Variants in HIVEP1 observed in about 807,000 individuals in gnomAD.
HIVEP1 encodes the protein HIVEP zinc finger 1.
Under a neutral mutation model 180.0 loss-of-function variants are expected in HIVEP1, and 36 were observed. The ratio of observed to expected loss-of-function variants is 0.20; its 90% CI spans 0.15 to 0.26. HIVEP1 has a LOEUF of 0.26. HIVEP1 is among the 10% of genes least tolerant of loss of function. The pLI, the probability that HIVEP1 is intolerant of heterozygous loss-of-function variation, is 1.00. For missense variants in HIVEP1, 3,143 were observed against 3,268.7 expected (o/e 0.96, Z 0.94); for synonymous variants, 1,239 against 1,239.0 (o/e 1.00, Z 0.00).
intron 6 of HIVEP1, among the ~76,000 whole-genome samples, chr6:12,132,335 TA>T (rs1282188064): frequency 2.0e-5 from 3 of 152,188 alleles, no homozygotes; most frequent in Non-Finnish European, 1.5e-5. Context: ...TTTAGAAAGC[TA>T]ATATTACTAA....
intron 2 of HIVEP1, among the ~76,000 whole-genome samples, chr6:12,059,550 G>T (rs529698319): frequency 1.2e-3 from 176 of 152,280 alleles, no homozygotes; most frequent in Non-Finnish European, 2.0e-3. Flanking sequence ...CCATGATCTT[G>T]ACTGCTTCTT....
chr6:12,176,748 C>T, the HIVEP1 span, among the ~76,000 whole-genome samples: 1 of 152,248 alleles, frequency 6.6e-6, no homozygotes, highest in East Asian at 1.9e-4. Context: ...TTGTCAGATG[C>T]ATAGTTTGCA....
chr6:12,069,697 A>G (rs1771839721), intron 2 of HIVEP1, among the ~76,000 whole-genome samples: 1 of 151,848 alleles, frequency 6.6e-6, no homozygotes, highest in Admixed American at 6.6e-5. Flanking sequence ...CATTGTGCAC[A>G]TGTACCCTAA....
chr6:12,144,414 A>C (rs1330543472), intron 7 of HIVEP1, among the ~76,000 whole-genome samples: 1 of 152,230 alleles, frequency 6.6e-6, no homozygotes, highest in Non-Finnish European at 1.5e-5. Flanking sequence ...TTAGACCTAA[A>C]ACCATAAAAA....
chr6:12,125,760 C>T lies in HIVEP1; in HGVS notation c.5965C>T (p.Leu1989Phe). ...GLPTKVALALLNSKQNTGKSL... is the reference protein window; with the variant it reads ...GLPTKVALALFNSKQNTGKSL... Reference sequence around the variant, plus strand: ...GCCCACAAAAGTTGCACTTGCTCTCCTTAATTCAAAACAGAACACTGGAAA... The same window carrying T: ...GCCCACAAAAGTTGCACTTGCTCTCTTTAATTCAAAACAGAACACTGGAAA... The change falls in exon 4 of 9, where the codon CTT becomes TTT. Residue 1989 changes from leucine to phenylalanine, a missense_variant. Coordinates refer to ENST00000379388, the MANE Select transcript of HIVEP1 (RefSeq NM_002114.4). 6.2e-7 allele frequency: 1 copy of T among 1,614,052 alleles called. No homozygotes were observed. Among genetic ancestry groups the T allele is most frequent in the Non-Finnish European group, 8.5e-7 (1 of 1,179,890 alleles).
intron 2 of HIVEP1, among the ~76,000 whole-genome samples, chr6:12,045,642 T>C (rs936875006): frequency 1.3e-5 from 2 of 152,222 alleles, no homozygotes; most frequent in Admixed American, 6.5e-5. Flanking sequence ...TGTTAGGGAA[T>C]GTTTGTTAGA....
intron 2 of HIVEP1, among the ~76,000 whole-genome samples, chr6:12,084,793 G>C (rs978285707): frequency 6.6e-6 from 1 of 152,048 alleles, no homozygotes. Flanking sequence ...GAGGGAGGAC[G>C]TACGGGTGCT....
intron 3 of HIVEP1, among the ~76,000 whole-genome samples, chr6:12,092,419 T>C (rs1483966066): frequency 6.6e-6 from 1 of 152,182 alleles, no homozygotes; most frequent in East Asian, 1.9e-4. Context: ...GTTGTAATAT[T>C]GCACTGTATG....
intron 7 of HIVEP1, among the ~76,000 whole-genome samples, chr6:12,147,635 T>C (rs533124993): frequency 6.6e-6 from 1 of 152,302 alleles, no homozygotes; most frequent in South Asian, 2.1e-4. Flanking sequence ...TCAGCAACAA[T>C]AATACTAATA....
At chr6:12,075,596 T>A (rs1772299268) in intron 2 of HIVEP1, among the ~76,000 whole-genome samples, 2 of 152,130 alleles carry the variant, frequency 1.3e-5, no homozygotes, top group African/African-American at 4.8e-5. Context: ...GGGCCTTTTT[T>A]TTTTTTCTAA....
At chr6:12,192,064 T>C in the HIVEP1 span, among the ~76,000 whole-genome samples, 1 of 152,246 alleles carries the variant, frequency 6.6e-6, no homozygotes, top group Non-Finnish European at 1.5e-5. Flanking sequence ...CTTCATATCA[T>C]ATGACTGACT....
chr6:12,124,131 G>A lies in HIVEP1; in HGVS notation c.4336G>A (p.Val1446Ile), dbSNP rs371822469. The A allele has an allele frequency of 1.9e-6, 3 of 1,614,098 alleles. No individual in the cohort carries two copies. Among genetic ancestry groups the A allele is most frequent in the Non-Finnish European group, 2.5e-6 (3 of 1,180,022 alleles). Residue 1446 changes from valine to isoleucine, a missense_variant, in exon 4 of 9, where the codon GTA becomes ATA. This residue lies in a region of HIVEP1 where 1,357 missense variants were observed against 1,260.5 expected (regional missense o/e 1.08). Transcript: ENST00000379388. ...AGCCCCAGATAGTCATCTGTCTCCT[G>A]TACACCCAACATCTTTCCAAAATAC... ...NIAPDSHLSP[V>I]HPTSFQNTAL...
chr6:12,172,405 A>C, the HIVEP1 span, among the ~76,000 whole-genome samples: 2 of 152,116 alleles, frequency 1.3e-5, no homozygotes. Context: ...ATAAGTTTTA[A>C]GTTTTATTTC....
At chr6:12,076,782 G>T (rs1357269182) in intron 2 of HIVEP1, among the ~76,000 whole-genome samples, 1 of 152,096 alleles carries the variant, frequency 6.6e-6, no homozygotes, top group Non-Finnish European at 1.5e-5. Flanking sequence ...AAAACATCGA[G>T]ACCACAGCAG....
chr6:12,008,536 C>G (rs1767117819), upstream of HIVEP1: 2 of 152,236 alleles, frequency 1.3e-5, no homozygotes, highest in African/African-American at 2.4e-5. Flanking sequence ...TGCAAATGTT[C>G]CTCTCTCACT....
chr6:12,137,859 A>AT (rs1758791160), intron 7 of HIVEP1, among the ~76,000 whole-genome samples: 1 of 152,114 alleles, frequency 6.6e-6, no homozygotes. Flanking sequence ...ATATTTGGAG[A>AT]TTTTTTTACA....
At chr6:12,168,530 T>TA (rs1257599008), downstream of HIVEP1, among the ~76,000 whole-genome samples, 6 of 151,482 alleles carry the variant, frequency 4.0e-5, no homozygotes, top group South Asian at 2.1e-4. Flanking sequence ...GTTCACAACT[T>TA]ACTATGGTTC....
intron 2 of HIVEP1, chr6:12,020,406 C>A (rs2113596091): frequency 2.1e-6 from 1 of 471,146 alleles, no homozygotes; most frequent in South Asian, 1.5e-5. Context: ...GGTGGCTCTT[C>A]CGCATGGTCT....
At chr6:12,171,725 A>T in the HIVEP1 span, among the ~76,000 whole-genome samples, 2 of 152,230 alleles carry the variant, frequency 1.3e-5, no homozygotes, top group African/African-American at 4.8e-5. Context: ...TGTAAAACTA[A>T]GCTGAACCTC....
Sources: allele counts gnomAD v4.1 joint callset (sites outside exome capture counted in the v4.1 genomes callset), GRCh38; gene constraint gnomAD v4.1.1; regional missense constraint gnomAD v4.1.1; transcripts MANE v1.5; gene names NCBI Gene and HGNC (gene_info 2026-07-23, HGNC 2026-07-21).